SCOC: variants seen among roughly 807,000 people sequenced by gnomAD.
The protein encoded by SCOC is short coiled coil protein.
A neutral mutation model predicts 9.9 loss-of-function variants in SCOC; 7 were observed. That is an observed-to-expected ratio of 0.71 (90% confidence interval 0.40 to 1.33). SCOC has a LOEUF of 1.33. Ranked by LOEUF, SCOC falls within the 40% of genes most tolerant of loss-of-function variation. SCOC has a pLI of 0.01. For synonymous variants in SCOC, 19 were observed against 28.2 expected (o/e 0.67, Z 1.03); for missense variants, 66 against 89.7 (o/e 0.74, Z 1.07).
Position 140,331,372 on chromosome 4 carries a change from T to C in SCOC, c.-18-12249T>C, listed in dbSNP as rs184176420. On this transcript the variant is annotated intron_variant, in intron 1 of 4. Coordinates refer to the SCOC transcript ENST00000394205. ...GTTGCCCATAGTTCCCAAGTGGCCT[T>C]TTTCTTTATAGTTTTCATTTCCTGA... Among the ~76,000 whole-genome samples, 4 of 152,206 alleles carry C rather than the reference T, an allele frequency of 2.6e-5. No homozygotes were observed. The East Asian group carries it at 7.7e-4, about 29-fold the overall frequency.
chr4:140,279,344 T>G (rs2126413664), intron 1 of SCOC, among the ~76,000 whole-genome samples: 1 of 152,328 alleles, frequency 6.6e-6, no homozygotes, highest in African/African-American at 2.4e-5. Context: ...TCATTTTTTG[T>G]GATTAAGCAA....
At chr4:140,373,238 T>C, upstream of SCOC, 1 of 1,182,222 alleles carries the variant, frequency 8.5e-7, no homozygotes, top group Non-Finnish European at 1.1e-6. Flanking sequence ...CGAACTTGAA[T>C]GACTTCTCTG....
chr4:140,340,783 CTTTTTT>C (rs36136647), upstream of SCOC, among the ~76,000 whole-genome samples: 10 of 40,448 alleles, frequency 2.5e-4, no homozygotes, highest in Admixed American at 1.7e-3. Context: ...TGCTGCCTAA[CTTTTTT>C]TTTTTTTTTT....
chr4:140,259,487 G>A (rs1176063296), intron 1 of SCOC, among the ~76,000 whole-genome samples: 2 of 152,130 alleles, frequency 1.3e-5, no homozygotes, highest in Non-Finnish European at 2.9e-5. Flanking sequence ...GCTGGGCATG[G>A]TGGCTTGCAC....
intron 1 of SCOC, among the ~76,000 whole-genome samples, chr4:140,298,878 C>T (rs1455304650): frequency 6.6e-6 from 1 of 152,154 alleles, no homozygotes; most frequent in Non-Finnish European, 1.5e-5. Flanking sequence ...TGCAGTGGCA[C>T]GATCATGGTT....
rs1477122288 is a variant in SCOC at position 140,338,013 on chromosome 4, C to T, written c.-18-5608C>T. Among the ~76,000 whole-genome samples the T allele has an allele frequency of 7.9e-5, 12 of 152,142 alleles. 1 individual carries two copies. The highest frequency in any genetic ancestry group is 1.6e-4 in the Non-Finnish European group (11 of 68,028). Reference sequence around the variant, plus strand: ...ACAACAAAAAAAGAGAATTTTAGACCAATATCCCTGATGAACATCGATGCA... The same window carrying T: ...ACAACAAAAAAAGAGAATTTTAGACTAATATCCCTGATGAACATCGATGCA... On this transcript the variant is annotated intron_variant, in intron 1 of 4. Coordinates refer to the SCOC transcript ENST00000394205.
At chr4:140,287,290 C>A (rs1246198720) in intron 1 of SCOC, among the ~76,000 whole-genome samples, 1 of 139,648 alleles carries the variant, frequency 7.2e-6, no homozygotes, top group African/African-American at 3.3e-5. Flanking sequence ...CCACACAGAC[C>A]ATGCACACAT....
At chr4:140,307,208 C>A (rs1732018168) in intron 1 of SCOC, among the ~76,000 whole-genome samples, 1 of 152,158 alleles carries the variant, frequency 6.6e-6, no homozygotes, top group Admixed American at 6.5e-5. Flanking sequence ...ATTTCTGTTG[C>A]CTATAATTAC....
chr4:140,344,666 G>A (rs1578832880), intron 2 of SCOC, among the ~76,000 whole-genome samples: 1 of 152,258 alleles, frequency 6.6e-6, no homozygotes, highest in East Asian at 1.9e-4. Flanking sequence ...GGGGAGGAAA[G>A]GTACGAGGTA....
At chr4:140,335,553 A>G (rs1209203508) in intron 1 of SCOC, among the ~76,000 whole-genome samples, 2 of 152,158 alleles carry the variant, frequency 1.3e-5, no homozygotes, top group Non-Finnish European at 2.9e-5. Flanking sequence ...TTACTCCCAA[A>G]GAAAGAGAAC....
At chr4:140,306,676 A>G (rs148601794) in intron 1 of SCOC, among the ~76,000 whole-genome samples, 9 of 152,124 alleles carry the variant, frequency 5.9e-5, no homozygotes, top group African/African-American at 1.9e-4. Context: ...CTGGAATACT[A>G]CCACTTCTTT....
intron 1 of SCOC, among the ~76,000 whole-genome samples, chr4:140,258,952 G>A (rs1043449651): frequency 2.0e-5 from 3 of 152,192 alleles, no homozygotes; most frequent in Non-Finnish European, 4.4e-5. Flanking sequence ...AAGCAGATGT[G>A]CCAAGATATG....
intron 1 of SCOC, among the ~76,000 whole-genome samples, chr4:140,312,573 T>C (rs1732188794): frequency 6.6e-6 from 1 of 152,058 alleles, no homozygotes; most frequent in South Asian, 2.1e-4. Flanking sequence ...ACTATAGGTG[T>C]GCACCACCAT....
rs138058511 is a variant in SCOC at position 140,381,989 on chromosome 4, A to G, written c.*885A>G. 3.9e-5 allele frequency: 6 copies of G among 152,226 alleles called. No homozygotes were observed. Among genetic ancestry groups the G allele is most frequent in the African/African-American group, 1.4e-4 (6 of 41,534 alleles). 9.4% of individuals were successfully genotyped at this position (152,226 alleles called of 1,614,324 possible). A position where few individuals can be genotyped will look rare whatever the true frequency, so the allele number is the denominator to read the frequency against. ...ACAGAGTAGATCTTTTGGGAAATAT[A>G]TATGAAAGTGGATTAAGTTTGACTA... On this transcript the variant is annotated 3_prime_UTR_variant, in exon 4 of 4. Coordinates refer to ENST00000608372, the MANE Select transcript of SCOC (RefSeq NM_001153484.2).
chr4:140,373,563 G>T, upstream of SCOC: 2 of 1,551,740 alleles, frequency 1.3e-6, no homozygotes, highest in Non-Finnish European at 1.7e-6. Flanking sequence ...TCTCGAGTCA[G>T]GATTGGCGGG....
intron 1 of SCOC, among the ~76,000 whole-genome samples, chr4:140,287,007 A>G (rs908581854): frequency 6.6e-6 from 1 of 152,030 alleles, no homozygotes; most frequent in Non-Finnish European, 1.5e-5. Flanking sequence ...GACCATACAC[A>G]TACATATACC....
At chr4:140,358,917 C>A (rs575475206) in intron 2 of SCOC, among the ~76,000 whole-genome samples, 1 of 152,230 alleles carries the variant, frequency 6.6e-6, no homozygotes, top group South Asian at 2.1e-4. Context: ...TCATTTGGAC[C>A]AAGAACTCTT....
upstream of SCOC, among the ~76,000 whole-genome samples, chr4:140,372,298 A>T (rs1237411855): frequency 6.6e-6 from 1 of 152,232 alleles, no homozygotes; most frequent in Non-Finnish European, 1.5e-5. Flanking sequence ...ATATTTAAAA[A>T]TACTGTTCTA....
chr4:140,301,199 G>A (rs1006007748), intron 1 of SCOC, among the ~76,000 whole-genome samples: 5 of 152,088 alleles, frequency 3.3e-5, no homozygotes, highest in Admixed American at 1.3e-4. Context: ...TATCTGAGGC[G>A]GAATGTACAA....
Sources: gnomAD v4.1 joint callset for allele counts (sites outside exome capture counted in the v4.1 genomes callset) on GRCh38, gnomAD v4.1.1 for gene constraint, MANE v1.5 for transcripts, NCBI Gene and HGNC (gene_info 2026-07-23, HGNC 2026-07-21) for gene names.